Variants in STRN observed in about 807,000 individuals in gnomAD.
The protein encoded by STRN is striatin, also known as protein phosphatase 2 regulatory subunit B'''alpha.
In STRN, 53 loss-of-function variants were observed where a neutral mutation model predicts 96.3. That is an observed-to-expected ratio of 0.55 (90% CI 0.44 to 0.69). The LOEUF (loss-of-function observed/expected upper bound fraction) is 0.69, where lower values mean the gene tolerates loss of function less well. Among genes scored for constraint, STRN ranks in the 30% least tolerant of loss-of-function variants. STRN has a pLI of 0.00. For synonymous variants in STRN, 428 were observed against 355.9 expected (o/e 1.20, Z -2.28); for missense variants, 987 against 963.9 (o/e 1.02, Z -0.32).
At chr2:36,955,017 C>T (rs140359316) in intron 1 of STRN, among the ~76,000 whole-genome samples, 1 of 152,134 alleles carries the variant, frequency 6.6e-6, no homozygotes, top group African/African-American at 2.4e-5. Flanking sequence ...TACCGTTTCA[C>T]TAAATTATTC....
intron 13 of STRN, among the ~76,000 whole-genome samples, chr2:36,860,294 T>A (rs1668443263): frequency 6.6e-6 from 1 of 152,120 alleles, no homozygotes. Context: ...TGAGGGACAG[T>A]TGATCCTCTG....
At chr2:36,851,508 G>C (rs930882758) in intron 15 of STRN, among the ~76,000 whole-genome samples, 2 of 151,934 alleles carry the variant, frequency 1.3e-5, no homozygotes, top group South Asian at 4.2e-4. Context: ...AAAAGAAAAA[G>C]AAAAAGTAAT....
intron 11 of STRN, 52 bp downstream of exon 11, chr2:36,869,502 C>A: frequency 1.5e-6 from 2 of 1,351,006 alleles, no homozygotes; most frequent in South Asian, 3.7e-5. Flanking sequence ...TAGTTTTCTG[C>A]TGAAAATGTT....
In STRN at chr2:36,886,800, C is replaced by T. The variant is rs1260234821; in HGVS notation, c.958G>A (p.Glu320Lys). 95 of 1,613,062 alleles carry T rather than the reference C, an allele frequency of 5.9e-5. No homozygotes were observed. The highest frequency in any genetic ancestry group is 7.7e-5 in the Non-Finnish European group (91 of 1,179,588). ...ACTCCCTGGTCCACATTCCAGGCTT[C>T]AGGCATGAGACACTGGTCTTCCTTT... is the stretch of plus-strand genomic sequence containing the variant. ...WEKEDQCLMP[E>K]AWNVDQGVIT... Residue 320 changes from glutamate to lysine, a missense_variant, in exon 8 of 18, where the codon GAA becomes AAA. By Grantham distance (56) the Glu-to-Lys change is moderately conservative. Transcript: ENST00000263918.
intron 14 of STRN, among the ~76,000 whole-genome samples, chr2:36,855,801 A>T (rs916872504): frequency 2.0e-5 from 3 of 152,206 alleles, no homozygotes; most frequent in Non-Finnish European, 4.4e-5. Flanking sequence ...AGAGTCATGC[A>T]AATACCATAT....
At chr2:36,858,278 C>T (rs112441735) in intron 13 of STRN, among the ~76,000 whole-genome samples, 6 of 152,020 alleles carry the variant, frequency 3.9e-5, no homozygotes, top group African/African-American at 1.4e-4. Context: ...GTATTTCCTC[C>T]CCCTTCCTTT....
chr2:36,923,463 A>C (rs1670317753), intron 2 of STRN, among the ~76,000 whole-genome samples: 1 of 150,624 alleles, frequency 6.6e-6, no homozygotes, highest in South Asian at 2.2e-4. Flanking sequence ...AAAAAAAAAA[A>C]ACAACTCACT....
At chr2:36,902,320 A>G (rs2148199761) in intron 5 of STRN, among the ~76,000 whole-genome samples, 1 of 152,302 alleles carries the variant, frequency 6.6e-6, no homozygotes, top group Non-Finnish European at 1.5e-5. Context: ...TCTTTTCTGA[A>G]GTTTTATTTA....
Position 36,851,005 on chromosome 2 carries a change from T to C in STRN, c.2081A>G (p.Asn694Ser). The C allele has an allele frequency of 6.2e-7, 1 of 1,605,750 alleles. No individual in the cohort carries two copies. Among genetic ancestry groups the C allele is most frequent in the Non-Finnish European group, 8.5e-7 (1 of 1,174,628 alleles). The change falls in exon 16 of 18, where the codon AAT becomes AGT. Residue 694 changes from asparagine (N) to serine (S), a missense_variant. By Grantham distance (46) the Asn-to-Ser change is conservative (BLOSUM62 1). Transcript: ENST00000263918. ...EDRHIKFYDN[N>S]TGKLIHSMVA... ...AATTCTTAATAAATTCTTACCTGTA[T>C]TGTTATCATAGAATTTGATGTGCCT...
At chr2:36,949,741 G>A (rs1664705133) in intron 1 of STRN, among the ~76,000 whole-genome samples, 1 of 152,144 alleles carries the variant, frequency 6.6e-6, no homozygotes, top group Non-Finnish European at 1.5e-5. Context: ...ACTGGGTTTG[G>A]GAAAAGGATT....
intron 5 of STRN, among the ~76,000 whole-genome samples, chr2:36,900,317 T>G (rs1303458927): frequency 6.6e-6 from 1 of 152,214 alleles, no homozygotes; most frequent in East Asian, 1.9e-4. Flanking sequence ...GCCGTTTTTC[T>G]CTACTCTTAT....
chr2:36,910,114 A>G (rs1669926108), intron 3 of STRN, among the ~76,000 whole-genome samples: 1 of 149,022 alleles, frequency 6.7e-6, no homozygotes, highest in Admixed American at 6.7e-5. Flanking sequence ...CGGAGGCTGC[A>G]GTGAGCCGAG....
At chr2:36,955,741 T>C (rs1451604144) in intron 1 of STRN, among the ~76,000 whole-genome samples, 6 of 152,204 alleles carry the variant, frequency 3.9e-5, no homozygotes, top group Non-Finnish European at 7.3e-5. Context: ...CACAACTCAC[T>C]GTCCTCAAAC....
At chr2:36,916,273 A>C in intron 2 of STRN, 122 bp from the exon 3 acceptor site, 1 of 773,864 alleles carries the variant, frequency 1.3e-6, no homozygotes, top group Non-Finnish European at 2.1e-6. Flanking sequence ...TCAAAGGCTC[A>C]TAGCTTTCCA....
intron 3 of STRN, 97 bp downstream of exon 3, chr2:36,915,981 A>C: frequency 9.0e-7 from 1 of 1,112,924 alleles, no homozygotes. Context: ...ACTAATACAC[A>C]AATAATTAGA....
intron 10 of STRN, among the ~76,000 whole-genome samples, chr2:36,876,285 AT>A (rs1036942883): frequency 3.2e-4 from 19 of 58,560 alleles, no homozygotes; most frequent in Admixed American, 1.4e-3. Context: ...AAAAAAAAAA[AT>A]TTTTTTTTTG....
chr2:36,855,088 G>C, intron 15 of STRN, 124 bp downstream of exon 15: 1 of 1,007,986 alleles, frequency 9.9e-7, no homozygotes, highest in Non-Finnish European at 1.4e-6. Flanking sequence ...AAGTAACTGT[G>C]TTCTGAAAGT....
chr2:36,940,636 G>A (rs923781853), intron 1 of STRN, among the ~76,000 whole-genome samples: 1 of 151,188 alleles, frequency 6.6e-6, no homozygotes, highest in African/African-American at 2.4e-5. Context: ...GACCATCCTG[G>A]CTAACATGGT....
chr2:36,839,950 CAG>C lies in STRN; in HGVS notation c.*9504_*9505del, dbSNP rs1667912055. On this transcript the variant is annotated 3_prime_UTR_variant, in exon 18 of 18. Transcript: ENST00000263918. Reference sequence around the variant, plus strand: ...TGGAGTGCTGTCAGAAAACCAAAGACAGAGATGTTCCTAGGAGAGTTAATAAA... The same window carrying C: ...TGGAGTGCTGTCAGAAAACCAAAGACAGATGTTCCTAGGAGAGTTAATAAA... 6.6e-6 allele frequency: 1 copy of C among 152,128 alleles called. No homozygotes were observed. The highest frequency in any genetic ancestry group is 2.1e-4 in the South Asian group (1 of 4,830). The allele number at this position is 152,128 out of a possible 1,614,324, so 9.4% of individuals were successfully genotyped here.
Sources: allele counts gnomAD v4.1 joint callset (sites outside exome capture counted in the v4.1 genomes callset), GRCh38; gene constraint gnomAD v4.1.1; transcripts MANE v1.5; gene names NCBI Gene and HGNC (gene_info 2026-07-23, HGNC 2026-07-21).